EPHB1: variants seen among roughly 807,000 people sequenced by gnomAD.
EPHB1 encodes the protein ephrin type-B receptor 1.
Under a neutral mutation model 94.4 loss-of-function variants are expected in EPHB1, and 30 were observed. That is an observed-to-expected ratio of 0.32 (90% confidence interval 0.24 to 0.43). The LOEUF is 0.43. Ranked by LOEUF, EPHB1 falls within the 20% of genes least tolerant of loss-of-function variation. EPHB1 has a pLI of 1.00. For missense variants in EPHB1, 1,055 were observed against 1,308.3 expected (o/e 0.81, Z 2.99); for synonymous variants, 522 against 489.1 (o/e 1.07, Z -0.89).
At position 135,213,471 on chromosome 3, in the gene EPHB1, G is replaced by A. The variant is rs1369648107; in HGVS notation, c.2346+11782G>A. On this transcript the variant is annotated intron_variant, in intron 12 of 15. Coordinates refer to ENST00000398015, the MANE Select transcript of EPHB1 (RefSeq NM_004441.5). The stretch of plus-strand genomic sequence containing the variant: ...ATGCTTCTGTTATAGACTAGTTCTT[G>A]ATGTTTGACCTCACAGGTCACCTTC... Among the ~76,000 whole-genome samples the A allele has an allele frequency of 2.0e-5, 3 of 152,172 alleles. No individual in the cohort carries two copies. The South Asian group carries it at 6.2e-4, about 32-fold the overall frequency.
intron 5 of EPHB1, 57 bp from the exon 6 acceptor site, chr3:135,154,095 C>T (rs1444322643): frequency 1.2e-6 from 2 of 1,606,436 alleles, no homozygotes; most frequent in African/African-American, 2.7e-5. Flanking sequence ...TGGAAGATGG[C>T]CCTTCCCCTA....
At chr3:134,844,445 G>T (rs1315847541) in intron 1 of EPHB1, among the ~76,000 whole-genome samples, 1 of 152,146 alleles carries the variant, frequency 6.6e-6, no homozygotes, top group Non-Finnish European at 1.5e-5. Context: ...ACTTAATTGG[G>T]TATGTGCACA....
chr3:135,234,007 G>A lies in EPHB1; in HGVS notation c.2347-7141G>A, dbSNP rs190546620. On this transcript the variant is annotated intron_variant, in intron 12 of 15. Transcript: ENST00000398015. ...CTCCTAGGCCTCCAGGTCTGTGATG[G>A]GAGGGACTGTGGTGAAGGTCTCTGA... is the stretch of plus-strand genomic sequence containing the variant. Among the ~76,000 whole-genome samples, 41 of 152,284 alleles carry A rather than the reference G, an allele frequency of 2.7e-4. No homozygotes were observed. The East Asian group carries it at 7.9e-3, about 29-fold the overall frequency.
chr3:135,230,220 C>G (rs182588031), intron 12 of EPHB1, among the ~76,000 whole-genome samples: 1 of 152,196 alleles, frequency 6.6e-6, no homozygotes, highest in Non-Finnish European at 1.5e-5. Context: ...CTTCTTGCCC[C>G]CTGTTCCATG....
At chr3:134,955,166 T>C in intron 3 of EPHB1, among the ~76,000 whole-genome samples, 1 of 30,536 alleles carries the variant, frequency 3.3e-5, no homozygotes, top group East Asian at 3.9e-4. Context: ...TGCAGGTTAG[T>C]TACATATGTA....
intron 2 of EPHB1, among the ~76,000 whole-genome samples, chr3:134,942,262 G>T (rs147752276): frequency 3.0e-4 from 45 of 152,308 alleles, no homozygotes; most frequent in Admixed American, 9.1e-4. Flanking sequence ...CCAGCCTGTA[G>T]GATTGGGTTC....
chr3:134,810,969 G>A (rs1324164609), intron 1 of EPHB1, among the ~76,000 whole-genome samples: 2 of 152,278 alleles, frequency 1.3e-5, no homozygotes, highest in African/African-American at 2.4e-5. Context: ...GAGAGTGAGC[G>A]ACTGCTTTTC....
In EPHB1 at chr3:135,132,953, C is replaced by T. The variant is rs1940471796; in HGVS notation, c.1201C>T (p.Pro401Ser). ...CATCAGCAGCCTGTGGGCCCACACC[C>T]CCTACACCTTTGACATCCAGGCCAT... ...VSISSLWAHT[P>S]YTFDIQAING... The change falls in exon 5 of 16, where the codon CCC (proline) becomes TCC (serine). Residue 401 changes from proline (P) to serine (S), a missense_variant. Physicochemically the swap from Pro to Ser is moderately conservative, Grantham distance 74. Coordinates refer to ENST00000398015, the MANE Select transcript of EPHB1 (RefSeq NM_004441.5). 1 of 1,613,900 alleles carries T rather than the reference C, an allele frequency of 6.2e-7. No homozygotes were observed. The highest frequency in any genetic ancestry group is 1.1e-5 in the South Asian group (1 of 91,088).
At chr3:135,236,336 G>A (rs1943652461) in intron 12 of EPHB1, among the ~76,000 whole-genome samples, 1 of 151,980 alleles carries the variant, frequency 6.6e-6, no homozygotes, top group African/African-American at 2.4e-5. Flanking sequence ...TTATAAGGAT[G>A]CCAGCATGAA....
chr3:134,893,394 C>G (rs1015521218), intron 1 of EPHB1, among the ~76,000 whole-genome samples: 3 of 152,172 alleles, frequency 2.0e-5, no homozygotes, highest in Non-Finnish European at 2.9e-5. Context: ...GCAAACAAAT[C>G]ATAAATCCAA....
chr3:135,019,853 A>G (rs1240410763), intron 3 of EPHB1, among the ~76,000 whole-genome samples: 1 of 152,248 alleles, frequency 6.6e-6, no homozygotes, highest in East Asian at 1.9e-4. Context: ...GTTGTGAACA[A>G]CTTCATTCAT....
chr3:135,009,501 AG>A (rs1485975349), intron 3 of EPHB1, among the ~76,000 whole-genome samples: 1 of 152,230 alleles, frequency 6.6e-6, no homozygotes, highest in African/African-American at 2.4e-5. Flanking sequence ...AGAGAAAGAA[AG>A]GCAGGCCTTG....
At chr3:134,856,610 T>C (rs1234360822) in intron 1 of EPHB1, among the ~76,000 whole-genome samples, 1 of 152,200 alleles carries the variant, frequency 6.6e-6, no homozygotes, top group Non-Finnish European at 1.5e-5. Context: ...ACCAGCCACA[T>C]CTGGCTGCCA....
In EPHB1 at chr3:135,030,491, T is replaced by TGTC. The variant is rs1936395139; in HGVS notation, c.806-75956_806-75954dup. ...TGTTGGAATACCCTGCAGTGTGAGG[T>TGTC]GTCAGTATGCCCCTGCTGGAGGGTG... On this transcript the variant is annotated intron_variant, in intron 3 of 15. Transcript: ENST00000398015. Among the ~76,000 whole-genome samples, 3 of 152,266 alleles carry TGTC rather than the reference T, an allele frequency of 2.0e-5. No homozygotes were observed. In the South Asian group the frequency reaches 6.2e-4, roughly 32 times the overall value.
At chr3:135,237,307 CACACAG>C (rs1469661071) in intron 12 of EPHB1, among the ~76,000 whole-genome samples, 12 of 151,684 alleles carry the variant, frequency 7.9e-5, no homozygotes, top group East Asian at 3.9e-4. Flanking sequence ...CACACACACA[CACACAG>C]ACAGACACAA....
chr3:134,935,710 G>T (rs571848698), intron 2 of EPHB1, among the ~76,000 whole-genome samples: 1 of 152,334 alleles, frequency 6.6e-6, no homozygotes, highest in South Asian at 2.1e-4. Context: ...TGTATGGGAT[G>T]AGGGTGGCAA....
At chr3:135,241,340 G>A (rs775760212) in intron 13 of EPHB1, 43 bp downstream of exon 13, 4 of 1,611,190 alleles carry the variant, frequency 2.5e-6, no homozygotes, top group Non-Finnish European at 3.4e-6. Flanking sequence ...CCCCATTGAA[G>A]GGATCCCAAA....
At chr3:135,111,760 A>C (rs979925481) in intron 4 of EPHB1, among the ~76,000 whole-genome samples, 1 of 151,818 alleles carries the variant, frequency 6.6e-6, no homozygotes, top group African/African-American at 2.4e-5. Context: ...GCTCGCTGCA[A>C]CCTCCACCTC....
intron 3 of EPHB1, among the ~76,000 whole-genome samples, chr3:135,024,212 G>T (rs142365027): frequency 1.8e-3 from 279 of 152,322 alleles, no homozygotes; most frequent in African/African-American, 6.6e-3. Context: ...GTGAGACTCA[G>T]TTGAAGCATG....
Sources: gnomAD v4.1 joint callset for allele counts (sites outside exome capture counted in the v4.1 genomes callset) on GRCh38, gnomAD v4.1.1 for gene constraint, MANE v1.5 for transcripts, NCBI Gene and HGNC (gene_info 2026-07-23, HGNC 2026-07-21) for gene names.